The following NAV2 variants were observed in gnomAD, a reference collection of about 807,000 sequenced individuals.
NAV2 encodes the protein helicase, APC down-regulated 1.
NAV2 carries 54 observed loss-of-function variants against 223.2 expected under a neutral mutation model. The ratio of observed to expected loss-of-function variants is 0.24; its 90% CI spans 0.19 to 0.30. NAV2 has a LOEUF of 0.30. Ranked by LOEUF, NAV2 falls within the 10% of genes least tolerant of loss-of-function variation. The pLI is 1.00. For synonymous variants in NAV2, 1,279 were observed against 1,239.3 expected, an observed-to-expected ratio of 1.03 and a Z score of -0.67; for missense variants, 2,806 against 3,147.5, an observed-to-expected ratio of 0.89 and a Z score of 2.60.
intron 1 of NAV2, among the ~76,000 whole-genome samples, chr11:19,421,984 T>C (rs1363322702): frequency 2.0e-5 from 3 of 152,098 alleles, no homozygotes; most frequent in Non-Finnish European, 4.4e-5. Flanking sequence ...ACAGGTTTCT[T>C]ACCTGTAACG....
chr11:19,810,603 C>T (rs1300418700), intron 1 of NAV2, among the ~76,000 whole-genome samples: 2 of 152,124 alleles, frequency 1.3e-5, no homozygotes, highest in Non-Finnish European at 2.9e-5. Flanking sequence ...AAACTGAAAG[C>T]AGTTTTTAGT....
At chr11:19,556,846 A>G (rs538589892) in intron 1 of NAV2, among the ~76,000 whole-genome samples, 32 of 152,366 alleles carry the variant, frequency 2.1e-4, no homozygotes, top group Non-Finnish European at 3.8e-4. Flanking sequence ...TTCATAATAA[A>G]TGACCATGCT....
At chr11:19,688,823 T>C (rs1342529665) in intron 1 of NAV2, among the ~76,000 whole-genome samples, 1 of 152,190 alleles carries the variant, frequency 6.6e-6, no homozygotes, top group Non-Finnish European at 1.5e-5. Context: ...ATAGGCATGG[T>C]ATGCCGCAGT....
chr11:19,601,242 A>G (rs1020503001), intron 1 of NAV2, among the ~76,000 whole-genome samples: 8 of 152,028 alleles, frequency 5.3e-5, no homozygotes, highest in African/African-American at 1.7e-4. Context: ...ACATACCCCA[A>G]TTGCTGCTGC....
Position 19,713,907 on chromosome 11 carries a change from G to T in NAV2, c.212G>T (p.Gly71Val), listed in dbSNP as rs370769394. 7.4e-5 allele frequency: 119 copies of T among 1,613,512 alleles called. No homozygotes were observed. The highest frequency in any genetic ancestry group is 9.5e-5 in the Non-Finnish European group (112 of 1,179,994). The change falls in exon 1 of 38, where the codon GGG becomes GTG. Residue 71 changes from glycine to valine, a missense_variant. Physicochemically the swap from Gly to Val is moderately radical, Grantham distance 109. Transcript: ENST00000349880. This position sits in a 1 kb window ranked among gnomAD's most constrained non-coding sequence, Gnocchi z 7.2. ...CTGCAGGGGCTGCAGGAGCCAGCGG[G>T]GGAGGGGCTCCCGCTGCGGAAGAGC... is the stretch of plus-strand genomic sequence containing the variant. ...QVLQGLQEPA[G>V]EGLPLRKSGS...
At chr11:19,988,903 G>C (rs2051053426) in intron 11 of NAV2, among the ~76,000 whole-genome samples, 2 of 152,154 alleles carry the variant, frequency 1.3e-5, no homozygotes, top group South Asian at 4.1e-4. Flanking sequence ...CATGGATTCA[G>C]GTCTGATCTG....
chr11:19,949,766 G>T (rs555003140), intron 10 of NAV2, among the ~76,000 whole-genome samples: 1 of 152,322 alleles, frequency 6.6e-6, no homozygotes, highest in South Asian at 2.1e-4. Context: ...ACTTGCAGCA[G>T]TAAGTACCAT....
chr11:19,603,073 G>C (rs1374897962), intron 1 of NAV2, among the ~76,000 whole-genome samples: 1 of 152,232 alleles, frequency 6.6e-6, no homozygotes, highest in African/African-American at 2.4e-5. Context: ...GATGGCAACA[G>C]AGAGGGCTGA....
At chr11:19,937,118 A>G (rs1230611324) in intron 7 of NAV2, among the ~76,000 whole-genome samples, 3 of 152,172 alleles carry the variant, frequency 2.0e-5, no homozygotes, top group African/African-American at 7.2e-5. Flanking sequence ...AGCCTGGGCA[A>G]CAGAACGAGA....
At chr11:19,630,719 T>C (rs1352357025) in intron 1 of NAV2, among the ~76,000 whole-genome samples, 1 of 151,838 alleles carries the variant, frequency 6.6e-6, no homozygotes, top group East Asian at 1.9e-4. Context: ...AGACAAAAAA[T>C]ATAAAAATTA....
At chr11:20,078,700 C>T (rs1334262654) in intron 24 of NAV2, among the ~76,000 whole-genome samples, 4 of 152,174 alleles carry the variant, frequency 2.6e-5, no homozygotes, top group African/African-American at 4.8e-5. Context: ...TCAAGCAATC[C>T]GCTCACCTCG....
intron 1 of NAV2, among the ~76,000 whole-genome samples, chr11:19,740,550 T>A (rs1437350417): frequency 6.6e-6 from 1 of 151,432 alleles, no homozygotes; most frequent in Non-Finnish European, 1.5e-5. Flanking sequence ...CACCCAAGAA[T>A]GATCAATAAA....
intron 1 of NAV2, among the ~76,000 whole-genome samples, chr11:19,423,542 T>C (rs1043795575): frequency 1.3e-5 from 2 of 152,162 alleles, no homozygotes; most frequent in Admixed American, 6.5e-5. Context: ...GCATCTTAAG[T>C]GGGGAGAGCA....
chr11:19,831,243 T>TGGGG (rs1565392533), intron 1 of NAV2, among the ~76,000 whole-genome samples: 2 of 1,862 alleles, frequency 1.1e-3, no homozygotes, highest in Admixed American at 7.0e-3. Flanking sequence ...GGGGGCGCGA[T>TGGGG]GGGGAGTGGG....
intron 1 of NAV2, among the ~76,000 whole-genome samples, chr11:19,611,248 A>T (rs951257044): frequency 1.3e-5 from 2 of 152,196 alleles, no homozygotes; most frequent in African/African-American, 4.8e-5. Context: ...TCCCTCCCAC[A>T]ACACGTGGGA....
chr11:19,646,466 A>G (rs1449123014), intron 1 of NAV2, among the ~76,000 whole-genome samples: 2 of 152,130 alleles, frequency 1.3e-5, no homozygotes, highest in Admixed American at 6.5e-5. Context: ...TGTATAGGCA[A>G]GCTCTGGGCA....
At chr11:19,681,732 G>T (rs141401574) in intron 1 of NAV2, among the ~76,000 whole-genome samples, 23 of 152,260 alleles carry the variant, frequency 1.5e-4, no homozygotes, top group African/African-American at 4.8e-4. Context: ...CATGTATTCA[G>T]TGTCCAGAAA....
Position 20,062,152 on chromosome 11 carries a change from C to G in NAV2, c.4832-155C>G, listed in dbSNP as rs532228036. On this transcript the variant is annotated intron_variant, in intron 19 of 37. Coordinates refer to ENST00000349880, the MANE Select transcript of NAV2 (RefSeq NM_145117.5). ...TTAGCAAACTATTACTTATTTGTCA[C>G]TGACCTATCGCCAAACCAGGAAAGG... Among the ~76,000 whole-genome samples, 6 of 152,306 alleles carry G rather than the reference C, an allele frequency of 3.9e-5. No homozygotes were observed. The East Asian group carries it at 1.2e-3, about 29-fold the overall frequency.
chr11:19,417,852 T>C (rs4757806), intron 1 of NAV2, among the ~76,000 whole-genome samples: 106,476 of 152,048 alleles, frequency 0.7, 37,361 homozygotes, highest in Admixed American at 0.73. Context: ...CCATCATTCT[T>C]GGTAAACTAA....
Sources: gnomAD v4.1 joint callset for allele counts (sites outside exome capture counted in the v4.1 genomes callset) on GRCh38, gnomAD v4.1.1 for gene constraint, Gnocchi (gnomAD v3.1) non-coding constraint, MANE v1.5 for transcripts, NCBI Gene and HGNC (gene_info 2026-07-23, HGNC 2026-07-21) for gene names.